The following LYPD6 variants were observed in gnomAD, a reference collection of about 807,000 sequenced individuals.
LYPD6 encodes ly6/PLAUR domain-containing protein 6.
LYPD6 carries 15 observed loss-of-function variants against 22.7 expected under a neutral mutation model. The ratio of observed to expected loss-of-function variants is 0.66; its 90% CI spans 0.44 to 1.02. The LOEUF (loss-of-function observed/expected upper bound fraction) is 1.02, where lower values mean the gene tolerates loss of function less well. LYPD6 is among the 50% of genes least tolerant of loss of function. LYPD6 has a pLI of 0.00. For missense variants in LYPD6, 189 were observed against 208.4 expected, an observed-to-expected ratio of 0.91 and a Z score of 0.57; for synonymous variants, 72 against 77.5, an observed-to-expected ratio of 0.93 and a Z score of 0.37.
chr2:149,361,009 G>A lies in LYPD6; in HGVS notation c.-72+30287G>A, dbSNP rs896340210. Among the ~76,000 whole-genome samples the A allele has an allele frequency of 1.4e-4, 22 of 152,146 alleles. 1 individual carries two copies. The highest frequency in any genetic ancestry group is 1.5e-5 in the Non-Finnish European group (1 of 68,022). On this transcript the variant is annotated intron_variant, in intron 1 of 4. Transcript: ENST00000334166. ...AAGTTGTTTTCCTCTGTTCTTTATA[G>A]TTCTTAGTTGGGGTGGACCCCTGTA...
At chr2:149,447,265 C>T (rs1683709661) in intron 2 of LYPD6, among the ~76,000 whole-genome samples, 1 of 152,138 alleles carries the variant, frequency 6.6e-6, no homozygotes, top group Non-Finnish European at 1.5e-5. Flanking sequence ...GCCTTGGGTG[C>T]CCGCGACAGC....
At chr2:149,452,253 G>A (rs1168772053) in intron 3 of LYPD6, among the ~76,000 whole-genome samples, 1 of 152,154 alleles carries the variant, frequency 6.6e-6, no homozygotes, top group Non-Finnish European at 1.5e-5. Context: ...TGAGCATCAG[G>A]TAAGGAGTGG....
At chr2:149,399,210 TTTC>T (rs1191684588) in intron 1 of LYPD6, among the ~76,000 whole-genome samples, 2 of 152,244 alleles carry the variant, frequency 1.3e-5, no homozygotes, top group African/African-American at 4.8e-5. Flanking sequence ...TTTTTTTTAT[TTTC>T]TTCTAATGAA....
rs1209103014 is a variant in LYPD6, at chr2:149,430,720, C to T, written c.-71-6918C>T. The stretch of plus-strand genomic sequence containing the variant: ...CACTTTATAATTGCGTATATACTGA[C>T]TTAGTCCTGAGATTTTGTAATTTAG... On this transcript the variant is annotated intron_variant, in intron 1 of 4. Coordinates refer to ENST00000334166, the MANE Select transcript of LYPD6 (RefSeq NM_194317.5). Among the ~76,000 whole-genome samples, 10 of 152,298 alleles carry T rather than the reference C, an allele frequency of 6.6e-5. No homozygotes were observed. In the South Asian group the frequency reaches 2.1e-3, roughly 32 times the overall value.
intron 1 of LYPD6, among the ~76,000 whole-genome samples, chr2:149,340,313 G>A (rs1390653246): frequency 6.6e-6 from 1 of 152,090 alleles, no homozygotes; most frequent in African/African-American, 2.4e-5. Context: ...AGAAATACTA[G>A]TTCTTTTATG....
At chr2:149,341,564 TG>T (rs945028818) in intron 1 of LYPD6, among the ~76,000 whole-genome samples, 2 of 152,120 alleles carry the variant, frequency 1.3e-5, no homozygotes, top group African/African-American at 4.8e-5. Context: ...TGTAAAGATC[TG>T]GGGGGAATCA....
intron 1 of LYPD6, among the ~76,000 whole-genome samples, chr2:149,377,509 G>C (rs1389574588): frequency 6.6e-6 from 1 of 152,124 alleles, no homozygotes; most frequent in Non-Finnish European, 1.5e-5. Context: ...GGCTGGGTGC[G>C]GTGGCTCATA....
chr2:149,403,370 C>A (rs1205960268), intron 1 of LYPD6, among the ~76,000 whole-genome samples: 2 of 150,804 alleles, frequency 1.3e-5, no homozygotes, highest in Admixed American at 1.3e-4. Context: ...GTTCCTATTT[C>A]TCCACATCCT....
At chr2:149,468,839 C>T in intron 4 of LYPD6, 64 bp downstream of exon 4, 1 of 1,560,598 alleles carries the variant, frequency 6.4e-7, no homozygotes, top group Non-Finnish European at 8.8e-7. Context: ...AGACATCTGC[C>T]AGTACTCATG....
At chr2:149,350,806 C>T (rs1235443708) in intron 1 of LYPD6, among the ~76,000 whole-genome samples, 4 of 152,190 alleles carry the variant, frequency 2.6e-5, no homozygotes, top group African/African-American at 9.7e-5. Context: ...GACTGCCCAG[C>T]CAAAGCTAAC....
Position 149,337,788 on chromosome 2 carries a change from A to G in LYPD6, c.-72+7066A>G, listed in dbSNP as rs2105045923. Among the ~76,000 whole-genome samples, 3 of 151,986 alleles carry G rather than the reference A, an allele frequency of 2.0e-5. No individual in the cohort carries two copies. In the South Asian group the frequency reaches 6.2e-4, roughly 32 times the overall value. Reference sequence around the variant, plus strand: ...ATTTTTCATTCCTCACTCTCTTCCCACCCTTTACCCTCAAGTAGACCCCAG... The same window carrying G: ...ATTTTTCATTCCTCACTCTCTTCCCGCCCTTTACCCTCAAGTAGACCCCAG... On this transcript the variant is annotated intron_variant, in intron 1 of 4. Transcript: ENST00000334166.
intron 1 of LYPD6, among the ~76,000 whole-genome samples, chr2:149,435,786 A>G (rs2105147970): frequency 6.6e-6 from 1 of 152,248 alleles, no homozygotes; most frequent in Non-Finnish European, 1.5e-5. Context: ...TAAATTGTAA[A>G]CAGAAGATGG....
intron 1 of LYPD6, among the ~76,000 whole-genome samples, chr2:149,423,934 T>G (rs1043677949): frequency 1.3e-5 from 2 of 152,090 alleles, no homozygotes; most frequent in African/African-American, 4.8e-5. Context: ...CTGAGTAAGC[T>G]TGATTTGGGA....
At chr2:149,337,907 G>A (rs1032874978) in intron 1 of LYPD6, among the ~76,000 whole-genome samples, 3 of 152,118 alleles carry the variant, frequency 2.0e-5, no homozygotes, top group African/African-American at 7.2e-5. Context: ...TCTTGGATTA[G>A]TTCACTTAGG....
chr2:149,354,147 T>C lies in LYPD6; in HGVS notation c.-72+23425T>C, dbSNP rs1162518542. On this transcript the variant is annotated intron_variant, in intron 1 of 4. Coordinates refer to ENST00000334166, the MANE Select transcript of LYPD6 (RefSeq NM_194317.5). ...AAGGCATGAGAGGTGGGAGCAGTGATGATGGTGGCTGTAGAGGCTGCCCCT... is the reference window on the plus strand; with the variant it reads ...AAGGCATGAGAGGTGGGAGCAGTGACGATGGTGGCTGTAGAGGCTGCCCCT... Among the ~76,000 whole-genome samples, 9 of 152,256 alleles carry C rather than the reference T, an allele frequency of 5.9e-5. No homozygotes were observed. In the East Asian group the frequency reaches 1.7e-3, roughly 29 times the overall value.
chr2:149,470,258 A>G (rs1316701521), intron 4 of LYPD6, among the ~76,000 whole-genome samples: 3 of 152,126 alleles, frequency 2.0e-5, no homozygotes, highest in Non-Finnish European at 4.4e-5. Context: ...AGTTTAAACC[A>G]CCCGGGTTGT....
chr2:149,447,108 A>G (rs1476804011), intron 2 of LYPD6, among the ~76,000 whole-genome samples: 1 of 152,216 alleles, frequency 6.6e-6, no homozygotes, highest in African/African-American at 2.4e-5. Context: ...AAACAGCACA[A>G]GTTTTGTTTA....
At chr2:149,418,939 A>G (rs945486086) in intron 1 of LYPD6, among the ~76,000 whole-genome samples, 5 of 152,212 alleles carry the variant, frequency 3.3e-5, no homozygotes, top group African/African-American at 9.6e-5. Context: ...AACCTGGCAT[A>G]TGAAACCAGG....
chr2:149,424,183 C>T (rs773714186), intron 1 of LYPD6, among the ~76,000 whole-genome samples: 1 of 152,120 alleles, frequency 6.6e-6, no homozygotes, highest in Non-Finnish European at 1.5e-5. Flanking sequence ...ATTATGATTA[C>T]TTCTATATCA....
Sources: gnomAD v4.1 joint callset for allele counts (sites outside exome capture counted in the v4.1 genomes callset) on GRCh38, gnomAD v4.1.1 for gene constraint, MANE v1.5 for transcripts, NCBI Gene and HGNC (gene_info 2026-07-23, HGNC 2026-07-21) for gene names.